Variants in GSDMC observed in about 807,000 individuals in gnomAD.
GSDMC encodes the protein gasdermin-C.
GSDMC carries 59 observed loss-of-function variants against 58.0 expected under a neutral mutation model. That is an observed-to-expected ratio of 1.02 (90% CI 0.82 to 1.26). The LOEUF (loss-of-function observed/expected upper bound fraction) is 1.26. Ranked by LOEUF, GSDMC falls within the 50% of genes most tolerant of loss-of-function variation. The pLI is 0.00. For synonymous variants in GSDMC, 241 were observed against 220.2 expected (o/e 1.09, Z -0.83); for missense variants, 659 against 598.5 (o/e 1.10, Z -1.06).
chr8:129,778,260 A>G (rs1024772271), intron 1 of GSDMC, among the ~76,000 whole-genome samples: 1 of 152,180 alleles, frequency 6.6e-6, no homozygotes, highest in Non-Finnish European at 1.5e-5. Flanking sequence ...GAAGCAATGG[A>G]TGCCTGGAAT....
At chr8:129,750,366 T>A in intron 11 of GSDMC, 65 bp downstream of exon 11, 1 of 1,466,558 alleles carries the variant, frequency 6.8e-7, no homozygotes. Flanking sequence ...AACTTGGGAG[T>A]CATATCTCCT....
At chr8:129,728,800 C>A in the GSDMC span, 1 of 538,626 alleles carries the variant, frequency 1.9e-6, no homozygotes. Context: ...CCCACAGGGG[C>A]CGTTGGCCCA....
chr8:129,741,944 A>ATATATATATATATATATATATAT, the GSDMC span, among the ~76,000 whole-genome samples: 1 of 148,642 alleles, frequency 6.7e-6, no homozygotes, highest in Non-Finnish European at 1.5e-5. Flanking sequence ...ATATACATGA[A>ATATATATATATATATATATATAT]ATAATATTCA....
At chr8:129,780,670 G>C (rs2034377203) in intron 1 of GSDMC, among the ~76,000 whole-genome samples, 1 of 152,174 alleles carries the variant, frequency 6.6e-6, no homozygotes, top group South Asian at 2.1e-4. Flanking sequence ...GAAAGAAAAT[G>C]ATGTTAATGA....
chr8:129,738,369 G>GT, the GSDMC span, among the ~76,000 whole-genome samples: 1 of 152,100 alleles, frequency 6.6e-6, no homozygotes, highest in South Asian at 2.1e-4. Flanking sequence ...TGTTTATTGT[G>GT]GCACTATTCA....
At position 129,748,556 on chromosome 8, in the gene GSDMC, G is replaced by C. The variant is rs115019901; in HGVS notation, c.1472C>G (p.Pro491Arg). Residue 491 changes from proline to arginine, a missense_variant, in exon 14 of 14, where the codon CCC becomes CGC. By Grantham distance (103) the Pro-to-Arg change is moderately radical. Transcript: ENST00000276708. ...GAGAGTCCCATAGAGGGCAGACAGG[G>C]GCATCTTTGCTTCTACATCCCAGGT... The part of the protein sequence containing the change: ...RSTWDVEAKM[P>R]LSALYGTLSL... The C allele has an allele frequency of 6.2e-7, 1 of 1,613,678 alleles. No individual in the cohort carries two copies. Among genetic ancestry groups the C allele is most frequent in the Non-Finnish European group, 8.5e-7 (1 of 1,179,756 alleles).
intron 1 of GSDMC, among the ~76,000 whole-genome samples, chr8:129,780,553 T>C (rs2130575566): frequency 6.6e-6 from 1 of 152,188 alleles, no homozygotes; most frequent in South Asian, 2.1e-4. Flanking sequence ...AAAAAAAATA[T>C]GCTTCAAGGA....
chr8:129,721,240 C>T, the GSDMC span, among the ~76,000 whole-genome samples: 3 of 152,124 alleles, frequency 2.0e-5, no homozygotes, highest in Non-Finnish European at 4.4e-5. Flanking sequence ...GACTCAGTCC[C>T]AAATTTTCAA....
intron 5 of GSDMC, among the ~76,000 whole-genome samples, chr8:129,761,127 T>A (rs1439916890): frequency 1.3e-5 from 2 of 151,848 alleles, no homozygotes; most frequent in Non-Finnish European, 2.9e-5. Flanking sequence ...GCGGGGAGAG[T>A]GGCGCTCCTC....
chr8:129,751,673 A>G, intron 9 of GSDMC, 105 bp from the exon 10 acceptor site: 1 of 1,176,478 alleles, frequency 8.5e-7, no homozygotes, highest in Non-Finnish European at 1.3e-6. Flanking sequence ...CCTCTTACTC[A>G]ACTTCTTCCT....
At chr8:129,783,643 T>A (rs2034477539) in intron 1 of GSDMC, among the ~76,000 whole-genome samples, 1 of 152,178 alleles carries the variant, frequency 6.6e-6, no homozygotes, top group African/African-American at 2.4e-5. Context: ...GAAGAATCAA[T>A]ATTGTTAAAA....
the GSDMC span, among the ~76,000 whole-genome samples, chr8:129,736,949 A>T: frequency 1.3e-5 from 2 of 152,236 alleles, no homozygotes; most frequent in African/African-American, 2.4e-5. Flanking sequence ...AAGTCTCAGG[A>T]TATCAAATCA....
At chr8:129,720,814 C>G in the GSDMC span, among the ~76,000 whole-genome samples, 3 of 152,172 alleles carry the variant, frequency 2.0e-5, no homozygotes, top group Non-Finnish European at 4.4e-5. Flanking sequence ...CTTCTAGAAT[C>G]AGGAAGATTT....
the GSDMC span, chr8:129,705,592 G>A: frequency 6.6e-6 from 1 of 152,278 alleles, no homozygotes; most frequent in African/African-American, 2.4e-5. Context: ...GATCTCATGA[G>A]AATTCACTCA....
chr8:129,753,420 A>T (rs2033296601), intron 6 of GSDMC, among the ~76,000 whole-genome samples: 1 of 152,182 alleles, frequency 6.6e-6, no homozygotes, highest in Admixed American at 6.5e-5. Flanking sequence ...ACTGCCTTGA[A>T]GGGAAGAACA....
the GSDMC span, among the ~76,000 whole-genome samples, chr8:129,740,516 T>C: frequency 2.0e-5 from 3 of 152,214 alleles, no homozygotes; most frequent in Non-Finnish European, 2.9e-5. Context: ...ATAATTATGT[T>C]ACAGCTGTCT....
chr8:129,740,220 A>T, the GSDMC span, among the ~76,000 whole-genome samples: 1 of 152,198 alleles, frequency 6.6e-6, no homozygotes, highest in Non-Finnish European at 1.5e-5. Flanking sequence ...AAGTCACAGT[A>T]AGCTAAGTTC....
At chr8:129,720,505 T>C in the GSDMC span, among the ~76,000 whole-genome samples, 80 of 152,314 alleles carry the variant, frequency 5.3e-4, no homozygotes, top group South Asian at 0.016. Context: ...TGTATGAATA[T>C]ACATATAAGA....
At chr8:129,751,946 A>C in intron 8 of GSDMC, 55 bp from the exon 9 acceptor site, 2 of 1,561,310 alleles carry the variant, frequency 1.3e-6, no homozygotes, top group Non-Finnish European at 1.8e-6. Flanking sequence ...AGATTTCTCC[A>C]ACCTTCTGCC....
Sources: allele counts gnomAD v4.1 joint callset (sites outside exome capture counted in the v4.1 genomes callset), GRCh38; gene constraint gnomAD v4.1.1; transcripts MANE v1.5; gene names NCBI Gene and HGNC (gene_info 2026-07-23, HGNC 2026-07-21).